The following PATJ variants were observed in gnomAD, a reference collection of about 807,000 sequenced individuals.
PATJ encodes inaD-like protein.
A neutral mutation model predicts 224.9 loss-of-function variants in PATJ; 190 were observed. The observed-to-expected ratio is 0.84, with a 90% confidence interval of 0.75 to 0.95. PATJ has a LOEUF of 0.95. PATJ is among the 40% of genes least tolerant of loss of function. The pLI is 0.00. For missense variants in PATJ, 2,121 were observed against 2,270.3 expected (o/e 0.93, Z 1.34); for synonymous variants, 769 against 820.3 (o/e 0.94, Z 1.07).
intron 41 of PATJ, among the ~76,000 whole-genome samples, chr1:62,133,408 C>T (rs1666467970): frequency 6.6e-6 from 1 of 152,076 alleles, no homozygotes; most frequent in Non-Finnish European, 1.5e-5. Flanking sequence ...ATGGTGAAAT[C>T]CCATCTCTAC....
In PATJ at chr1:61,766,986, G is replaced by T. The variant is rs562886707; in HGVS notation, c.384+513G>T. Among the ~76,000 whole-genome samples, 29 of 152,180 alleles carry T rather than the reference G, an allele frequency of 1.9e-4. No individual in the cohort carries two copies. In the South Asian group the frequency reaches 5.6e-3, roughly 29 times the overall value. ...CAGGCACCTGTAATCCCAGATAGTT[G>T]GGAGGCTGAGGCAGGAGAATCGCTT... On this transcript the variant is annotated intron_variant, in intron 4 of 43. Coordinates refer to ENST00000642238, the MANE Select transcript of PATJ (RefSeq NM_001350145.3).
At chr1:62,099,993 CTCTG>C (rs1315313708) in intron 33 of PATJ, among the ~76,000 whole-genome samples, 1 of 152,190 alleles carries the variant, frequency 6.6e-6, no homozygotes, top group African/African-American at 2.4e-5. Context: ...GTGACATTGA[CTCTG>C]TCTAAGGATA....
chr1:61,948,649 A>T (rs1679137539), intron 27 of PATJ, among the ~76,000 whole-genome samples: 1 of 152,216 alleles, frequency 6.6e-6, no homozygotes, highest in Admixed American at 6.5e-5. Context: ...TGTGGAAGAC[A>T]GTGTGGTGAT....
At position 61,985,080 on chromosome 1, in the gene PATJ, G is replaced by A. The variant is rs568705923; in HGVS notation, c.3671-5088G>A. On this transcript the variant is annotated intron_variant, in intron 27 of 43. Coordinates refer to ENST00000642238, the MANE Select transcript of PATJ (RefSeq NM_001350145.3). ...AATAATCCCAGCACTTTGGGAGGCCGTTGTGGGCGGATCACAAGGTCAAGA... is the reference window on the plus strand; with the variant it reads ...AATAATCCCAGCACTTTGGGAGGCCATTGTGGGCGGATCACAAGGTCAAGA... Among the ~76,000 whole-genome samples, 22 of 152,176 alleles carry A rather than the reference G, an allele frequency of 1.4e-4. No individual in the cohort carries two copies. The South Asian group carries it at 3.3e-3, about 23-fold the overall frequency.
chr1:62,031,495 G>C (rs561333506), intron 29 of PATJ, among the ~76,000 whole-genome samples: 1 of 152,310 alleles, frequency 6.6e-6, no homozygotes, highest in African/African-American at 2.4e-5. Flanking sequence ...ACAGATTGCA[G>C]TTAATACAGT....
At chr1:62,095,401 G>C (rs1661282111) in intron 33 of PATJ, among the ~76,000 whole-genome samples, 1 of 152,144 alleles carries the variant, frequency 6.6e-6, no homozygotes, top group Non-Finnish European at 1.5e-5. Context: ...TTGGTCCAAA[G>C]GTGGAGAAGA....
chr1:62,047,486 G>A (rs886547918), intron 30 of PATJ, among the ~76,000 whole-genome samples: 14 of 151,944 alleles, frequency 9.2e-5, no homozygotes, highest in Non-Finnish European at 1.5e-5. Context: ...TCCTGACCTC[G>A]TGATCCACCC....
intron 1 of PATJ, among the ~76,000 whole-genome samples, chr1:61,762,182 C>G (rs778629841): frequency 6.6e-6 from 1 of 152,156 alleles, no homozygotes; most frequent in Non-Finnish European, 1.5e-5. Context: ...CTGTCATAGT[C>G]AGTTCCCTAT....
chr1:61,860,655 G>A (rs959187059), intron 18 of PATJ, among the ~76,000 whole-genome samples: 4 of 152,060 alleles, frequency 2.6e-5, no homozygotes, highest in South Asian at 2.1e-4. Flanking sequence ...GCGAAACCTC[G>A]TCTCTACTAA....
At chr1:61,948,176 C>A (rs1386688074) in intron 27 of PATJ, among the ~76,000 whole-genome samples, 1 of 152,152 alleles carries the variant, frequency 6.6e-6, no homozygotes, top group Non-Finnish European at 1.5e-5. Context: ...GTCTAAAACA[C>A]CAAAAGCAAT....
intron 25 of PATJ, among the ~76,000 whole-genome samples, chr1:61,912,504 AT>A (rs1480377521): frequency 4.6e-5 from 7 of 151,502 alleles, no homozygotes; most frequent in Admixed American, 4.6e-4. Context: ...AGGCACAAGA[AT>A]TGCTTGAACC....
chr1:62,132,733 T>C (rs555244696), intron 41 of PATJ, among the ~76,000 whole-genome samples: 1 of 152,056 alleles, frequency 6.6e-6, no homozygotes, highest in South Asian at 2.1e-4. Context: ...TGAGACCCCG[T>C]CTCTACAAAA....
intron 31 of PATJ, among the ~76,000 whole-genome samples, chr1:62,074,648 A>G (rs1289795117): frequency 2.0e-5 from 3 of 152,184 alleles, no homozygotes; most frequent in African/African-American, 7.2e-5. Flanking sequence ...TGTGTTTGCA[A>G]ATACATTAAG....
intron 18 of PATJ, 77 bp from the exon 19 acceptor site, chr1:61,861,474 C>T (rs1664604984): frequency 4.3e-6 from 3 of 699,226 alleles, no homozygotes; most frequent in Non-Finnish European, 7.4e-6. Flanking sequence ...AGGTATTTGT[C>T]CTAATGCTCT....
intron 11 of PATJ, among the ~76,000 whole-genome samples, chr1:61,799,474 C>T (rs542209764): frequency 5.3e-5 from 8 of 152,226 alleles, no homozygotes; most frequent in African/African-American, 1.7e-4. Flanking sequence ...GGATTACAGG[C>T]GTGATCCACC....
intron 37 of PATJ, 65 bp downstream of exon 37, chr1:62,117,283 T>C (rs1399561446): frequency 1.2e-6 from 2 of 1,606,576 alleles, no homozygotes; most frequent in African/African-American, 2.7e-5. Context: ...AGTTCCCCAT[T>C]TAATAAATGG....
intron 27 of PATJ, among the ~76,000 whole-genome samples, chr1:61,979,522 G>A (rs778843715): frequency 2.6e-5 from 4 of 152,036 alleles, no homozygotes; most frequent in Middle Eastern, 3.4e-3. Context: ...ATGTGGTGGC[G>A]TGTACCTGTA....
At chr1:62,008,147 C>G (rs533223831) in intron 28 of PATJ, among the ~76,000 whole-genome samples, 115 of 152,090 alleles carry the variant, frequency 7.6e-4, no homozygotes, top group Non-Finnish European at 1.4e-3. Context: ...TTAAAACCCC[C>G]TAAAGAGAGA....
intron 33 of PATJ, chr1:62,100,299 G>T: frequency 4.2e-6 from 3 of 707,634 alleles, no homozygotes; most frequent in Admixed American, 2.0e-5. Context: ...ATTAAAAAAA[G>T]AATTGTATTT....
Sources: gnomAD v4.1 joint callset for allele counts (sites outside exome capture counted in the v4.1 genomes callset) on GRCh38, gnomAD v4.1.1 for gene constraint, MANE v1.5 for transcripts, NCBI Gene and HGNC (gene_info 2026-07-23, HGNC 2026-07-21) for gene names.